PRKD1: variants seen among roughly 807,000 people sequenced by gnomAD.
PRKD1 encodes the protein protein kinase D1.
PRKD1 carries 63 observed loss-of-function variants against 95.9 expected under a neutral mutation model. The observed-to-expected ratio is 0.66, with a 90% CI of 0.54 to 0.81. The LOEUF is 0.81. Among genes scored for constraint, PRKD1 ranks in the 30% least tolerant of loss-of-function variants. The pLI is 0.00. For synonymous variants in PRKD1, 425 were observed against 423.1 expected, an observed-to-expected ratio of 1.00 and a Z score of -0.05; for missense variants, 1,048 against 1,165.3, an observed-to-expected ratio of 0.90 and a Z score of 1.47.
At chr14:29,694,937 T>G (rs374783750) in intron 2 of PRKD1, among the ~76,000 whole-genome samples, 14 of 151,980 alleles carry the variant, frequency 9.2e-5, no homozygotes, top group African/African-American at 3.4e-4. Context: ...GTCACAGTCT[T>G]AAAAGGACAG....
At chr14:29,687,115 A>G (rs982895841) in intron 2 of PRKD1, among the ~76,000 whole-genome samples, 1 of 152,100 alleles carries the variant, frequency 6.6e-6, no homozygotes, top group African/African-American at 2.4e-5. Flanking sequence ...TGTCTGCAAC[A>G]TATTTCTTTT....
chr14:29,731,152 AATTT>A (rs1886415215), intron 1 of PRKD1, among the ~76,000 whole-genome samples: 1 of 152,144 alleles, frequency 6.6e-6, no homozygotes, highest in Non-Finnish European at 1.5e-5. Context: ...ACCATTAATT[AATTT>A]TAAATATATG....
intron 1 of PRKD1, among the ~76,000 whole-genome samples, chr14:29,809,978 T>C (rs1424746719): frequency 6.6e-6 from 1 of 152,142 alleles, no homozygotes; most frequent in Non-Finnish European, 1.5e-5. Context: ...CATTGTAGAG[T>C]TATTAATTGG....
chr14:29,744,530 A>C (rs1887123675), intron 1 of PRKD1, among the ~76,000 whole-genome samples: 1 of 152,186 alleles, frequency 6.6e-6, no homozygotes, highest in African/African-American at 2.4e-5. Flanking sequence ...ACAAAGAGGA[A>C]TTGGAATCAT....
chr14:29,618,411 A>G (rs571971662), intron 13 of PRKD1, among the ~76,000 whole-genome samples: 1 of 152,110 alleles, frequency 6.6e-6, no homozygotes, highest in Non-Finnish European at 1.5e-5. Context: ...GTGCACCACC[A>G]CACCCAGCTA....
chr14:29,922,720 T>C (rs1299388602), intron 1 of PRKD1, among the ~76,000 whole-genome samples: 1 of 151,156 alleles, frequency 6.6e-6, no homozygotes, highest in African/African-American at 2.4e-5. Flanking sequence ...ATTGTCTGTA[T>C]AAAAAAATTA....
At chr14:29,859,530 C>A (rs1207272508) in intron 1 of PRKD1, among the ~76,000 whole-genome samples, 1 of 151,612 alleles carries the variant, frequency 6.6e-6, no homozygotes, top group Non-Finnish European at 1.5e-5. Context: ...ATGGCATGAA[C>A]CCAGGAGGCG....
intron 1 of PRKD1, among the ~76,000 whole-genome samples, chr14:29,884,380 C>T (rs1594601765): frequency 6.6e-6 from 1 of 152,054 alleles, no homozygotes; most frequent in Non-Finnish European, 1.5e-5. Flanking sequence ...TATTTCATGT[C>T]TAATATTAGC....
intron 10 of PRKD1, 72 bp from the exon 11 acceptor site, chr14:29,629,165 A>C: frequency 1.6e-6 from 2 of 1,258,220 alleles, no homozygotes. Context: ...AAGTAAGTAC[A>C]TGCTTACAAA....
At chr14:29,620,430 A>G (rs1879168971) in intron 13 of PRKD1, among the ~76,000 whole-genome samples, 1 of 149,508 alleles carries the variant, frequency 6.7e-6, no homozygotes, top group Non-Finnish European at 1.5e-5. Context: ...TATTCATCTG[A>G]CAAAGGGCTA....
chr14:29,701,489 C>T lies in PRKD1; in HGVS notation c.403+24047G>A, dbSNP rs917590396. On this transcript the variant is annotated intron_variant, in intron 2 of 17. Transcript: ENST00000331968. ...CACATTACTAGCTGAAATTTTTTCA[C>T]AACGAATATCTTTTCCTCATAAATT... Among the ~76,000 whole-genome samples the T allele has an allele frequency of 4.6e-5, 7 of 152,176 alleles. No individual in the cohort carries two copies. In the South Asian group the frequency reaches 1.4e-3, roughly 32 times the overall value.
chr14:29,909,661 T>C (rs1453023080), intron 1 of PRKD1, among the ~76,000 whole-genome samples: 2 of 151,728 alleles, frequency 1.3e-5, no homozygotes, highest in Non-Finnish European at 2.9e-5. Context: ...CAGTCAGCAC[T>C]CTGTGTCTAG....
intron 1 of PRKD1, among the ~76,000 whole-genome samples, chr14:29,849,400 C>A (rs1056906045): frequency 6.6e-6 from 1 of 152,104 alleles, no homozygotes; most frequent in Non-Finnish European, 1.5e-5. Context: ...TAAAGTATTT[C>A]TTTATAGCAG....
chr14:29,603,323 T>C (rs2139024941), intron 13 of PRKD1, among the ~76,000 whole-genome samples: 1 of 152,328 alleles, frequency 6.6e-6, no homozygotes, highest in African/African-American at 2.4e-5. Flanking sequence ...CCATCATAGA[T>C]ACTTACTTAG....
At chr14:29,761,804 G>A (rs989656864) in intron 1 of PRKD1, among the ~76,000 whole-genome samples, 8 of 135,176 alleles carry the variant, frequency 5.9e-5, no homozygotes, top group South Asian at 4.6e-4. Flanking sequence ...TTTTTGAGAC[G>A]CAAGGTCTCA....
At chr14:29,771,125 C>A (rs796522202) in intron 1 of PRKD1, among the ~76,000 whole-genome samples, 10 of 152,178 alleles carry the variant, frequency 6.6e-5, no homozygotes, top group African/African-American at 2.4e-4. Context: ...AATTCTCAGC[C>A]TTGCCACATT....
intron 2 of PRKD1, among the ~76,000 whole-genome samples, chr14:29,720,784 AAAAT>A (rs563067101): frequency 4.0e-5 from 6 of 151,506 alleles, no homozygotes; most frequent in East Asian, 1.9e-4. Context: ...TGTCTCAAAA[AAAAT>A]AAATAAATAA....
intron 16 of PRKD1, among the ~76,000 whole-genome samples, chr14:29,585,718 T>C (rs1350308465): frequency 2.0e-5 from 3 of 152,200 alleles, no homozygotes; most frequent in Non-Finnish European, 4.4e-5. Flanking sequence ...CAGTGACTTC[T>C]TTTAGAAAAT....
chr14:29,810,930 T>C (rs1020257510), intron 1 of PRKD1, among the ~76,000 whole-genome samples: 1 of 152,228 alleles, frequency 6.6e-6, no homozygotes, highest in Non-Finnish European at 1.5e-5. Context: ...CACATATTTA[T>C]ATCATTATGG....
Sources: gnomAD v4.1 joint callset for allele counts (sites outside exome capture counted in the v4.1 genomes callset) on GRCh38, gnomAD v4.1.1 for gene constraint, MANE v1.5 for transcripts, NCBI Gene and HGNC (gene_info 2026-07-23, HGNC 2026-07-21) for gene names.